Variants in CSNK1G3 observed in about 807,000 individuals in gnomAD.
CSNK1G3 encodes casein kinase 1 gamma 3.
Under a neutral mutation model 64.3 loss-of-function variants are expected in CSNK1G3, and 23 were observed. The ratio of observed to expected loss-of-function variants is 0.36; its 90% CI spans 0.26 to 0.51. The LOEUF (loss-of-function observed/expected upper bound fraction) is 0.51. Ranked by LOEUF, CSNK1G3 falls within the 20% of genes least tolerant of loss-of-function variation. The pLI is 0.96. For synonymous variants in CSNK1G3, 158 were observed against 162.2 expected, an observed-to-expected ratio of 0.97 and a Z score of 0.20; for missense variants, 357 against 510.5, an observed-to-expected ratio of 0.70 and a Z score of 2.90.
intron 12 of CSNK1G3, among the ~76,000 whole-genome samples, chr5:123,611,588 T>C (rs989632681): frequency 2.6e-5 from 4 of 152,206 alleles, no homozygotes; most frequent in Non-Finnish European, 5.9e-5. Flanking sequence ...AGTAAATTGC[T>C]GATACAAGTG....
intron 6 of CSNK1G3, among the ~76,000 whole-genome samples, chr5:123,576,878 T>G (rs559238833): frequency 6.6e-6 from 1 of 152,140 alleles, no homozygotes; most frequent in Non-Finnish European, 1.5e-5. Context: ...CATCCATTGA[T>G]GATTTTCTAA....
Position 123,545,819 on chromosome 5 carries a change from C to G in CSNK1G3, c.156C>G (p.Gly52=), listed in dbSNP as rs376102229. 2.2e-5 allele frequency: 36 copies of G among 1,613,168 alleles called. No homozygotes were observed. In the African/African-American group the frequency reaches 3.9e-4, roughly 17 times the overall value. ...GAGTTGGAAAAAAAATTGGATGTGG[C>G]AATTTTGGAGAATTACGATTAGGTA... is the stretch of plus-strand genomic sequence containing the variant. The change falls in exon 2 of 13, where the codon GGC becomes GGG. Residue 52 remains glycine (G), a synonymous_variant. Transcript: ENST00000345990.
chr5:123,562,148 G>A lies in CSNK1G3; in HGVS notation c.289+4584G>A, dbSNP rs956060137. On this transcript the variant is annotated intron_variant, in intron 4 of 12. Transcript: ENST00000345990. ...TATTTTCACGTCTGTATTCTTTCTC[G>A]AATATCTTTCTTTTCTAATGAATTC... Among the ~76,000 whole-genome samples, 3 of 151,830 alleles carry A rather than the reference G, an allele frequency of 2.0e-5. 1 individual carries two copies. The highest frequency in any genetic ancestry group is 7.3e-5 in the African/African-American group (3 of 41,352).
Position 123,603,250 on chromosome 5 carries a change from T to C in CSNK1G3, c.1087-1474T>C, listed in dbSNP as rs561108029. The stretch of plus-strand genomic sequence containing the variant: ...AAACACATGGAAAATTTTATAAAAA[T>C]GGAAGTGGTGAGTTATATATTTTTT... On this transcript the variant is annotated intron_variant, in intron 10 of 12. Coordinates refer to ENST00000345990, the Ensembl canonical transcript of CSNK1G3. Among the ~76,000 whole-genome samples the C allele has an allele frequency of 3.3e-5, 5 of 152,070 alleles. No individual in the cohort carries two copies. In the South Asian group the frequency reaches 1.0e-3, roughly 32 times the overall value.
intron 1 of CSNK1G3, among the ~76,000 whole-genome samples, chr5:123,535,312 ATAT>A (rs1780607044): frequency 6.6e-6 from 1 of 152,136 alleles, no homozygotes; most frequent in Non-Finnish European, 1.5e-5. Flanking sequence ...ATGTTATAAA[ATAT>A]TATTATTCTT....
intron 1 of CSNK1G3, among the ~76,000 whole-genome samples, chr5:123,528,078 CTTA>C (rs1224410155): frequency 6.6e-6 from 1 of 152,034 alleles, no homozygotes; most frequent in Non-Finnish European, 1.5e-5. Flanking sequence ...CTATTATAAA[CTTA>C]TTAGAATTAT....
intron 4 of CSNK1G3, among the ~76,000 whole-genome samples, chr5:123,569,000 C>G (rs1025346760): frequency 6.6e-6 from 1 of 152,254 alleles, no homozygotes; most frequent in Middle Eastern, 3.4e-3. Flanking sequence ...TATCAAACAG[C>G]AATTTGCAAC....
chr5:123,526,924 G>C, intron 1 of CSNK1G3, among the ~76,000 whole-genome samples: 1 of 150,460 alleles, frequency 6.6e-6, no homozygotes, highest in Non-Finnish European at 1.5e-5. Context: ...CCTAAAGTTG[G>C]GATTGTTGGG....
At chr5:123,607,557 T>G (rs187796787) in intron 12 of CSNK1G3, among the ~76,000 whole-genome samples, 2 of 152,252 alleles carry the variant, frequency 1.3e-5, no homozygotes, top group East Asian at 3.9e-4. Context: ...GGCAAATACA[T>G]AGACATCAAA....
chr5:123,527,081 T>C (rs1779225830), intron 1 of CSNK1G3, among the ~76,000 whole-genome samples: 1 of 152,148 alleles, frequency 6.6e-6, no homozygotes, highest in South Asian at 2.1e-4. Flanking sequence ...TGAATCACTT[T>C]GATTTGTTAG....
At chr5:123,581,399 C>G (rs1401494307) in intron 6 of CSNK1G3, among the ~76,000 whole-genome samples, 1 of 88,992 alleles carries the variant, frequency 1.1e-5, no homozygotes, top group Non-Finnish European at 2.4e-5. Context: ...CCTGTGTTGT[C>G]CCTTACTTTT....
At chr5:123,515,616 C>T (rs1777005684) in intron 1 of CSNK1G3, among the ~76,000 whole-genome samples, 1 of 151,928 alleles carries the variant, frequency 6.6e-6, no homozygotes, top group South Asian at 2.1e-4. Context: ...AATGTAACCC[C>T]ACACTTAATC....
rs576590271 is a variant in CSNK1G3, at chr5:123,608,159, C to T, written c.1217+2797C>T. Among the ~76,000 whole-genome samples, 12 of 152,226 alleles carry T rather than the reference C, an allele frequency of 7.9e-5. No homozygotes were observed. The East Asian group carries it at 2.3e-3, about 29-fold the overall frequency. On this transcript the variant is annotated intron_variant, in intron 12 of 12. Transcript: ENST00000345990. ...CACCATTTGACACGTAACTAGGGAC[C>T]TGCTTAGAATTTTCTTTCAGAATTT...
chr5:123,575,743 A>G (rs1004362030), exon 6 of CSNK1G3: 3 of 1,611,516 alleles, frequency 1.9e-6, no homozygotes, highest in Non-Finnish European at 2.5e-6. Flanking sequence ...CTCGCATGGA[A>G]TATGTCCATT....
chr5:123,591,359 C>T lies in CSNK1G3; in HGVS notation c.1031C>T (p.Ser344Leu), dbSNP rs1227364768. 3 of 1,610,302 alleles carry T rather than the reference C, an allele frequency of 1.9e-6. No individual in the cohort carries two copies. In the African/African-American group the frequency reaches 4.0e-5, roughly 22 times the overall value. ...GCAGTTCAGCAAGATCCTGCTCTGT[C>T]ATCAAACAGAGAAGCACATCAACAC... is the stretch of plus-strand genomic sequence containing the variant. Residue 344 changes from serine to leucine, a missense_variant, in exon 10 of 13, where the codon TCA becomes TTA. Around this residue, in one of 3 missense-constraint regions of CSNK1G3, gnomAD observed 187 missense variants for 217.1 expected, o/e 0.86. Coordinates refer to ENST00000345990, the Ensembl canonical transcript of CSNK1G3.
chr5:123,614,488 C>T (rs1281991658), exon 13 of CSNK1G3: 2 of 1,061,946 alleles, frequency 1.9e-6, no homozygotes, highest in Non-Finnish European at 2.6e-6. Context: ...CGTATATTTT[C>T]AAGGACTCAC....
At chr5:123,573,666 C>A in intron 5 of CSNK1G3, 125 bp downstream of exon 5, 1 of 714,628 alleles carries the variant, frequency 1.4e-6, no homozygotes, top group Non-Finnish European at 2.1e-6. Flanking sequence ...ACAAATGTTT[C>A]TACTTTTCAT....
chr5:123,615,887 T>C (rs1311194328), exon 13 of CSNK1G3: 1 of 152,212 alleles, frequency 6.6e-6, no homozygotes, highest in Non-Finnish European at 1.5e-5. Context: ...CAAGGTAACA[T>C]TTAAGATGTA....
chr5:123,559,264 A>C (rs1050628870), intron 4 of CSNK1G3, among the ~76,000 whole-genome samples: 6 of 149,120 alleles, frequency 4.0e-5, no homozygotes, highest in Admixed American at 6.7e-5. Flanking sequence ...GAAAAAAAAA[A>C]CCAGATCTAT....
Sources: gnomAD v4.1 joint callset for allele counts (sites outside exome capture counted in the v4.1 genomes callset) on GRCh38, gnomAD v4.1.1 for gene constraint, gnomAD v4.1.1 regional missense constraint, MANE v1.5 for transcripts, NCBI Gene and HGNC (gene_info 2026-07-23, HGNC 2026-07-21) for gene names.